DHTKD1: variants seen among roughly 807,000 people sequenced by gnomAD.
The protein encoded by DHTKD1 is 2-oxoadipate dehydrogenase complex component E1.
In DHTKD1, 78 loss-of-function variants were observed where a neutral mutation model predicts 101.8. The ratio of observed to expected loss-of-function variants is 0.77; its 90% CI spans 0.64 to 0.93. The LOEUF is 0.93. Ranked by LOEUF, DHTKD1 falls within the 40% of genes least tolerant of loss-of-function variation. The pLI, the probability that DHTKD1 is intolerant of heterozygous loss-of-function variation, is 0.00. For synonymous variants in DHTKD1, 462 were observed against 450.3 expected (o/e 1.03, Z -0.33); for missense variants, 1,223 against 1,161.7 (o/e 1.05, Z -0.77).
chr10:12,099,549 G>T (rs996520091), intron 8 of DHTKD1, among the ~76,000 whole-genome samples: 5 of 151,964 alleles, frequency 3.3e-5, no homozygotes, highest in East Asian at 1.9e-4. Context: ...TTAGCTGGGC[G>T]TGGTGGTGTG....
chr10:12,070,302 A>G (rs750304188), intron 1 of DHTKD1, among the ~76,000 whole-genome samples: 2 of 152,218 alleles, frequency 1.3e-5, no homozygotes, highest in African/African-American at 2.4e-5. Context: ...GTAGAAGATA[A>G]GTACAGATTG....
Position 12,107,007 on chromosome 10 carries a change from C to T in DHTKD1, c.2047+611C>T, listed in dbSNP as rs555477508. On this transcript the variant is annotated intron_variant, in intron 11 of 16. Transcript: ENST00000263035. The surrounding 1 kb of genome is among the most constrained non-coding windows in gnomAD (Gnocchi z 4.1). ...CTTTTCTTTTTTTTTTTTTTTGAGACGGAGTCTCGCTCTGTCACCCAGGCT... is the reference window on the plus strand; with the variant it reads ...CTTTTCTTTTTTTTTTTTTTTGAGATGGAGTCTCGCTCTGTCACCCAGGCT... 2.1e-5 allele frequency among the ~76,000 whole-genome samples: 3 copies of T among 146,198 alleles called. No homozygotes were observed. Among genetic ancestry groups the T allele is most frequent in the South Asian group, 2.2e-4 (1 of 4,648 alleles).
At position 12,117,763 on chromosome 10, in the gene DHTKD1, A is replaced by G. The variant is rs1324025931; in HGVS notation, c.2402+8A>G. ...ATCTGTGGATCCAAAAAAGTAAGAT[A>G]TGTATCTCTGTTTTCATATTCTGTG... is the stretch of plus-strand genomic sequence containing the variant. On this transcript the variant is annotated splice_region_variant and intron_variant, in intron 14 of 16. Coordinates refer to ENST00000263035, the MANE Select transcript of DHTKD1 (RefSeq NM_018706.7). 1 of 1,528,464 alleles carries G rather than the reference A, an allele frequency of 6.5e-7. No individual in the cohort carries two copies. The allele number at this position is 1,528,464 out of a possible 1,614,324, so 94.7% of individuals were successfully genotyped here.
At chr10:12,086,656 T>G (rs1050844843) in intron 3 of DHTKD1, among the ~76,000 whole-genome samples, 1 of 152,108 alleles carries the variant, frequency 6.6e-6, no homozygotes, top group Non-Finnish European at 1.5e-5. Context: ...AAAAAAAGTC[T>G]TTTGGTAACA....
At chr10:12,089,362 T>C (rs570521821) in intron 5 of DHTKD1, 107 bp downstream of exon 5, 5 of 1,088,456 alleles carry the variant, frequency 4.6e-6, no homozygotes, top group South Asian at 4.5e-5. Context: ...GAAACTGAGA[T>C]GACCTTTTGG....
chr10:12,082,888 G>C (rs1000282509), intron 2 of DHTKD1, among the ~76,000 whole-genome samples: 9 of 152,236 alleles, frequency 5.9e-5, no homozygotes, highest in Non-Finnish European at 1.0e-4. Flanking sequence ...GGTAATCCCA[G>C]CATTTTGGGA....
In DHTKD1 at chr10:12,121,151, C is replaced by T. The variant is rs888380668; in HGVS notation, c.*263C>T. The T allele has an allele frequency of 1.2e-5, 4 of 330,896 alleles. No individual in the cohort carries two copies. The highest frequency in any genetic ancestry group is 2.4e-5 in the African/African-American group (1 of 41,110). 20.5% of individuals were successfully genotyped at this position (330,896 alleles called of 1,614,324 possible). On this transcript the variant is annotated 3_prime_UTR_variant, in exon 17 of 17. Transcript: ENST00000263035. The stretch of plus-strand genomic sequence containing the variant: ...AAGAGAATCGCTTGAATCTGGGAGG[C>T]GGAGGTTGCAGTGAGCCAGGATCAC...
chr10:12,120,322 CT>C (rs1554794953), intron 16 of DHTKD1, 55 bp downstream of exon 16: 1 of 1,356,462 alleles, frequency 7.4e-7, no homozygotes, highest in Non-Finnish European at 1.0e-6. Flanking sequence ...TGTTGTTTTT[CT>C]TTTCTTTCTT....
chr10:12,119,714 T>C (rs2131630232), intron 15 of DHTKD1, among the ~76,000 whole-genome samples: 2 of 151,642 alleles, frequency 1.3e-5, no homozygotes, highest in Middle Eastern at 6.8e-3. Context: ...GAACAGCTAA[T>C]GGATGCTGGG....
At position 12,087,453 on chromosome 10, in the gene DHTKD1, A is replaced by G. The variant is rs570789486; in HGVS notation, c.523-82A>G. On this transcript the variant is annotated intron_variant, in intron 3 of 16. Coordinates refer to ENST00000263035, the MANE Select transcript of DHTKD1 (RefSeq NM_018706.7). This position sits in a 1 kb window ranked among gnomAD's most constrained non-coding sequence, Gnocchi z 5.2. ...CACTTGGGGAGTGTGGGGCCATCTC[A>G]CAACACACACAGACTTATCTGCCTT... 1.1e-4 allele frequency: 141 copies of G among 1,267,642 alleles called. No individual in the cohort carries two copies. In the East Asian group the frequency reaches 3.1e-3, roughly 27 times the overall value. 78.5% of individuals were successfully genotyped at this position (1,267,642 alleles called of 1,614,324 possible). A position where few individuals can be genotyped will look rare whatever the true frequency, so the allele number is the denominator to read the frequency against.
chr10:12,069,138 G>A lies in DHTKD1; in HGVS notation c.105G>A (p.Pro35=), dbSNP rs1422940375. The A allele has an allele frequency of 6.3e-7, 1 of 1,582,758 alleles. No individual in the cohort carries two copies. The highest frequency in any genetic ancestry group is 8.6e-7 in the Non-Finnish European group (1 of 1,166,686). ...QTERGVYGYR[P]RKPESREPQG... is the part of the protein sequence containing the mutation. ...AGCGGGGCGTTTACGGCTACCGGCC[G>A]AGGAAGCCCGAGAGCCGCGAGCCCC... Residue 35 remains proline, a synonymous_variant, in exon 1 of 17, where the codon CCG becomes CCA. Coordinates refer to ENST00000263035, the MANE Select transcript of DHTKD1 (RefSeq NM_018706.7).
At chr10:12,089,589 A>G (rs538115119) in intron 5 of DHTKD1, among the ~76,000 whole-genome samples, 8 of 151,910 alleles carry the variant, frequency 5.3e-5, no homozygotes, top group East Asian at 1.9e-4. Context: ...GTTCCCATAC[A>G]TATAACAAGA....
In DHTKD1 at chr10:12,074,757, A is replaced by G. The variant is rs546101473; in HGVS notation, c.154+5570A>G. Reference sequence around the variant, plus strand: ...TCTCAAAAAAACAAATAAACAGGTCAGGCCTGGTGGCTCATGCCTGTCATC... The same window carrying G: ...TCTCAAAAAAACAAATAAACAGGTCGGGCCTGGTGGCTCATGCCTGTCATC... On this transcript the variant is annotated intron_variant, in intron 1 of 16. Transcript: ENST00000263035. Among the ~76,000 whole-genome samples the G allele has an allele frequency of 3.1e-3, 472 of 151,906 alleles. 3 individuals carry two copies. Among genetic ancestry groups the G allele is most frequent in the Admixed American group, 5.0e-3 (76 of 15,226 alleles).
intron 1 of DHTKD1, among the ~76,000 whole-genome samples, chr10:12,069,518 C>CTTTTTTTTTTTTT (rs10691718): frequency 3.7e-5 from 3 of 81,518 alleles, no homozygotes; most frequent in Admixed American, 1.7e-4. Context: ...TTTTTGTTTC[C>CTTTTTTTTTTTTT]TTTTTTTTTT....
rs1376782934 is a variant in DHTKD1 at position 12,118,863 on chromosome 10, C to T, written c.2517C>T (p.Cys839=). 3 of 1,607,534 alleles carry T rather than the reference C, an allele frequency of 1.9e-6. No homozygotes were observed. The highest frequency in any genetic ancestry group is 3.4e-5 in the Admixed American group (2 of 58,826). Residue 839 remains cysteine, a synonymous_variant, in exon 15 of 17, where the codon TGC becomes TGT. Transcript: ENST00000263035. ...DFAIIRVEEL[C]PFPLDSLQQE... ...CCATCATCCGAGTAGAGGAACTCTG[C>T]CCCTTCCCGTTGGATTCTTTACAGC...
chr10:12,092,045 G>A lies in DHTKD1; in HGVS notation c.1159+361G>A, dbSNP rs187449599. 2.7e-5 allele frequency among the ~76,000 whole-genome samples: 4 copies of A among 149,524 alleles called. No individual in the cohort carries two copies. The East Asian group carries it at 5.9e-4, about 22-fold the overall frequency. ...CAGCTTGTACTCCATGCTGGAGTAC[G>A]TGATCTCGGCTTACTGCAACCTCCG... On this transcript the variant is annotated intron_variant, in intron 6 of 16. Coordinates refer to ENST00000263035, the MANE Select transcript of DHTKD1 (RefSeq NM_018706.7).
chr10:12,118,690 C>G (rs1354379072), intron 14 of DHTKD1, 59 bp from the exon 15 acceptor site: 3 of 1,403,172 alleles, frequency 2.1e-6, no homozygotes, highest in African/African-American at 1.5e-5. Context: ...CCTCTTCTGA[C>G]GTAATTCTTA....
At chr10:12,113,591 T>C (rs1374097444) in intron 13 of DHTKD1, among the ~76,000 whole-genome samples, 2 of 152,196 alleles carry the variant, frequency 1.3e-5, no homozygotes, top group African/African-American at 2.4e-5. Context: ...GCAGATGTTA[T>C]ACTAGTGCCC....
rs1295106800 is a variant in DHTKD1, at chr10:12,069,048, TG to T, written c.16del (p.Ala6ArgfsTer55). On this transcript the variant is annotated frameshift_variant, in exon 1 of 17. Transcript: ENST00000263035. LOFTEE classifies it high-confidence loss of function. MASAT[A>X]AAARRGLGRA... ...ATCTGGTGAACATGGCCTCTGCTAC[TG>T]CGGCAGCAGCACGACGGGGCCTCGG... 7 of 1,613,140 alleles carry T rather than the reference TG, an allele frequency of 4.3e-6. No homozygotes were observed. In the African/African-American group the frequency reaches 9.4e-5, roughly 22 times the overall value.
Sources: allele counts gnomAD v4.1 joint callset (sites outside exome capture counted in the v4.1 genomes callset), GRCh38; gene constraint gnomAD v4.1.1; non-coding constraint Gnocchi (gnomAD v3.1); transcripts MANE v1.5; gene names NCBI Gene and HGNC (gene_info 2026-07-23, HGNC 2026-07-21).